TMEM45A: variants seen among roughly 807,000 people sequenced by gnomAD.
The protein encoded by TMEM45A is DNA polymerase-transactivated protein 4.
TMEM45A carries 25 observed loss-of-function variants against 32.0 expected under a neutral mutation model. The ratio of observed to expected loss-of-function variants is 0.78; its 90% CI spans 0.57 to 1.09. TMEM45A has a LOEUF of 1.09. Ranked by LOEUF, TMEM45A falls within the 50% of genes least tolerant of loss-of-function variation. TMEM45A has a pLI of 0.00. For missense variants in TMEM45A, 302 were observed against 325.0 expected, an observed-to-expected ratio of 0.93 and a Z score of 0.54; for synonymous variants, 122 against 114.8, an observed-to-expected ratio of 1.06 and a Z score of -0.40.
intron 1 of TMEM45A, among the ~76,000 whole-genome samples, chr3:100,534,092 T>C (rs1385469549): frequency 6.6e-6 from 1 of 152,222 alleles, no homozygotes; most frequent in African/African-American, 2.4e-5. Flanking sequence ...AACCTGAGTC[T>C]ATAGAGATTC....
intron 1 of TMEM45A, among the ~76,000 whole-genome samples, chr3:100,503,025 C>T (rs1381629692): frequency 1.3e-5 from 2 of 150,278 alleles, no homozygotes; most frequent in East Asian, 1.9e-4. Context: ...TTCTCCATCT[C>T]CTCCTCCTCC....
intron 1 of TMEM45A, among the ~76,000 whole-genome samples, chr3:100,521,216 C>A (rs1459265508): frequency 6.6e-6 from 1 of 151,838 alleles, no homozygotes; most frequent in African/African-American, 2.4e-5. Flanking sequence ...AATGTCTGCA[C>A]CTCCAGCTGA....
chr3:100,546,023 A>G (rs1705972475), intron 1 of TMEM45A, among the ~76,000 whole-genome samples: 1 of 152,232 alleles, frequency 6.6e-6, no homozygotes, highest in Non-Finnish European at 1.5e-5. Context: ...TTTACCAGAT[A>G]AATTCAGAGT....
intron 1 of TMEM45A, among the ~76,000 whole-genome samples, chr3:100,524,241 A>G (rs557170133): frequency 7.9e-4 from 120 of 152,360 alleles, no homozygotes; most frequent in African/African-American, 2.6e-3. Flanking sequence ...AAAAGACAGC[A>G]TGATCTTGGG....
intron 5 of TMEM45A, chr3:100,574,349 C>A (rs570477220): frequency 6.6e-6 from 1 of 152,264 alleles, no homozygotes; most frequent in Non-Finnish European, 1.5e-5. Flanking sequence ...ATACAAACTA[C>A]CATCAGAGAG....
chr3:100,514,453 T>G lies in TMEM45A; in HGVS notation c.-4+21525T>G, dbSNP rs1254800657. Among the ~76,000 whole-genome samples, 1,486 of 152,114 alleles carry G rather than the reference T, an allele frequency of 9.8e-3. 22 individuals carry two copies. The highest frequency in any genetic ancestry group is 0.035 in the African/African-American group (1,436 of 41,486). ...GAAAGCTGAAACTGGATCCCTTCCT[T>G]ACACCTTATACAAAAATTAATTCAA... On this transcript the variant is annotated intron_variant, in intron 1 of 5. Transcript: ENST00000323523.
chr3:100,560,247 T>TTCTC (rs759056986), intron 4 of TMEM45A, among the ~76,000 whole-genome samples: 8,337 of 146,642 alleles, frequency 0.057, 705 homozygotes, highest in African/African-American at 0.19. Context: ...TGTTTTCTGC[T>TTCTC]TCTCTCTCTC....
intron 1 of TMEM45A, among the ~76,000 whole-genome samples, chr3:100,518,768 G>A (rs775554809): frequency 4.5e-4 from 69 of 152,222 alleles, no homozygotes; most frequent in Non-Finnish European, 1.2e-4. Flanking sequence ...AGATAAGCAT[G>A]AGATGGTCGG....
intron 1 of TMEM45A, among the ~76,000 whole-genome samples, chr3:100,548,674 G>A (rs1559647575): frequency 6.6e-6 from 1 of 152,138 alleles, no homozygotes; most frequent in African/African-American, 2.4e-5. Flanking sequence ...GTTCCTTAGG[G>A]ACATATTTTA....
chr3:100,555,091 C>A, intron 1 of TMEM45A, 118 bp from the exon 2 acceptor site: 1 of 874,626 alleles, frequency 1.1e-6, no homozygotes, highest in Non-Finnish European at 1.8e-6. Flanking sequence ...TCAGAATCAT[C>A]CTCAGTGATG....
intron 4 of TMEM45A, among the ~76,000 whole-genome samples, chr3:100,564,724 T>C (rs1460084965): frequency 1.3e-5 from 2 of 152,192 alleles, no homozygotes; most frequent in African/African-American, 4.8e-5. Flanking sequence ...CTTCAGCTGA[T>C]CCACCTGCCT....
chr3:100,518,283 T>C (rs191444044), intron 1 of TMEM45A, among the ~76,000 whole-genome samples: 27 of 152,346 alleles, frequency 1.8e-4, no homozygotes, highest in Admixed American at 7.2e-4. Flanking sequence ...TTTCCTCACT[T>C]TCTTCCAAGT....
chr3:100,549,528 T>C (rs1308097036), intron 1 of TMEM45A, among the ~76,000 whole-genome samples: 1 of 152,194 alleles, frequency 6.6e-6, no homozygotes, highest in Non-Finnish European at 1.5e-5. Context: ...AACTGCCCTC[T>C]GGCACAATGT....
chr3:100,510,549 A>G (rs1437098993), intron 1 of TMEM45A, among the ~76,000 whole-genome samples: 1 of 152,234 alleles, frequency 6.6e-6, no homozygotes, highest in Admixed American at 6.5e-5. Flanking sequence ...GGAAACTCTA[A>G]AAATCAGAGC....
chr3:100,537,148 C>A lies in TMEM45A; in HGVS notation c.-3-18061C>A, dbSNP rs1011823080. Among the ~76,000 whole-genome samples, 9 of 152,228 alleles carry A rather than the reference C, an allele frequency of 5.9e-5. No homozygotes were observed. In the South Asian group the frequency reaches 8.3e-4, roughly 14 times the overall value. On this transcript the variant is annotated intron_variant, in intron 1 of 5. Coordinates refer to ENST00000323523, the MANE Select transcript of TMEM45A (RefSeq NM_018004.3). ...ATGTTGGCTAGGTTGGTCTCAAACT[C>A]CTGACCTCCGGTGATCCGTCCAGCT... is the stretch of plus-strand genomic sequence containing the variant.
At chr3:100,493,919 A>G (rs1235998269) in intron 1 of TMEM45A, among the ~76,000 whole-genome samples, 2 of 152,094 alleles carry the variant, frequency 1.3e-5, no homozygotes, top group African/African-American at 4.8e-5. Context: ...TTTAGTAAAG[A>G]CGGGGTTTCG....
At chr3:100,534,994 C>T (rs1393636490) in intron 1 of TMEM45A, among the ~76,000 whole-genome samples, 1 of 152,184 alleles carries the variant, frequency 6.6e-6, no homozygotes. Flanking sequence ...CCACTGTTCT[C>T]GCTCCCTCAA....
chr3:100,562,170 G>T (rs1706349643), intron 4 of TMEM45A, among the ~76,000 whole-genome samples: 1 of 151,942 alleles, frequency 6.6e-6, no homozygotes, highest in Non-Finnish European at 1.5e-5. Flanking sequence ...CAGATGTTCA[G>T]GAATGGCATA....
In TMEM45A at chr3:100,556,916, G is replaced by C; in HGVS notation, c.347G>C (p.Ser116Thr). ...GCAGATATCTTATGTTTCACCATCA[G>C]TTCACTTCCTGTGTCCTTAACCAAG... ...GVADILCFTI[S>T]SLPVSLTKLM... The change falls in exon 3 of 6, where the codon AGT becomes ACT. Residue 116 changes from serine (S) to threonine (T), a missense_variant. Coordinates refer to ENST00000323523, the MANE Select transcript of TMEM45A (RefSeq NM_018004.3). The C allele has an allele frequency of 1.2e-6, 2 of 1,614,184 alleles. No homozygotes were observed. The highest frequency in any genetic ancestry group is 1.7e-6 in the Non-Finnish European group (2 of 1,180,026).
Sources: allele counts gnomAD v4.1 joint callset (sites outside exome capture counted in the v4.1 genomes callset), GRCh38; gene constraint gnomAD v4.1.1; transcripts MANE v1.5; gene names NCBI Gene and HGNC (gene_info 2026-07-23, HGNC 2026-07-21).